The following LAMA5 variants were observed in gnomAD, a reference collection of about 807,000 sequenced individuals.
LAMA5 encodes laminin subunit alpha 5.
A neutral mutation model predicts 433.4 loss-of-function variants in LAMA5; 260 were observed. The ratio of observed to expected loss-of-function variants is 0.60; its 90% CI spans 0.54 to 0.66. The LOEUF (loss-of-function observed/expected upper bound fraction) is 0.66, where lower values mean the gene tolerates loss of function less well. Ranked by LOEUF, LAMA5 falls within the 30% of genes least tolerant of loss-of-function variation. The probability of loss-of-function intolerance (pLI) is 0.00; values close to 1 mark genes in which losing one functional copy is unlikely to be tolerated. For missense variants in LAMA5, 5,378 were observed against 5,258.5 expected, an observed-to-expected ratio of 1.02 and a Z score of -0.70; for synonymous variants, 2,620 against 2,226.6, an observed-to-expected ratio of 1.18 and a Z score of -4.97.
Position 62,309,979 on chromosome 20 carries a change from G to A in LAMA5, c.10828+9C>T, listed in dbSNP as rs772271793. On this transcript the variant is annotated intron_variant, in intron 78 of 79. Transcript: ENST00000252999. ...TGGCAGAGTGCCCTGGCCACAGGAG[G>A]GGCCTCACCCGCTAGCCGGTGCCAC... The A allele has an allele frequency of 3.7e-6, 6 of 1,609,522 alleles. No individual in the cohort carries two copies. In the South Asian group the frequency reaches 5.5e-5, roughly 15 times the overall value.
chr20:62,331,145 C>A lies in LAMA5; in HGVS notation c.3553-16G>T. ...TGACCCCGTGCTGCAGGCAGAGGGACGAGATGCTGCAACGCCCGTGGTGCG... is the reference window on the plus strand; with the variant it reads ...TGACCCCGTGCTGCAGGCAGAGGGAAGAGATGCTGCAACGCCCGTGGTGCG... On this transcript the variant is annotated splice_polypyrimidine_tract_variant and intron_variant, in intron 28 of 79. Coordinates refer to ENST00000252999, the MANE Select transcript of LAMA5 (RefSeq NM_005560.6). The A allele has an allele frequency of 1.3e-6, 2 of 1,514,066 alleles. No individual in the cohort carries two copies. The highest frequency in any genetic ancestry group is 1.2e-5 in the South Asian group (1 of 80,696). 93.8% of individuals were successfully genotyped at this position (1,514,066 alleles called of 1,614,324 possible). A position where few individuals can be genotyped will look rare whatever the true frequency, so the allele number is the denominator to read the frequency against.
intron 48 of LAMA5, 105 bp downstream of exon 48, chr20:62,321,914 T>C (rs1987858928): frequency 1.5e-5 from 17 of 1,160,254 alleles, no homozygotes; most frequent in Non-Finnish European, 2.0e-5. Flanking sequence ...GGAAGGCAGC[T>C]GGGACCACTC....
chr20:62,315,591 A>G (rs1240078735), intron 58 of LAMA5, among the ~76,000 whole-genome samples: 1 of 151,924 alleles, frequency 6.6e-6, no homozygotes, highest in Non-Finnish European at 1.5e-5. Flanking sequence ...CCTGGTCCTC[A>G]CCGCCCAAGG....
rs753276984 is a variant in LAMA5 at position 62,330,469 on chromosome 20, C to A, written c.3979+19G>T. On this transcript the variant is annotated intron_variant, in intron 31 of 79. Transcript: ENST00000252999. ...CATCGTGTGTGGTAGCCTCTCCACC[C>A]CCCACACCAGACACTCACCCTGCCA... is the stretch of plus-strand genomic sequence containing the variant. The A allele has an allele frequency of 3.3e-5, 51 of 1,529,284 alleles. No individual in the cohort carries two copies. The highest frequency in any genetic ancestry group is 1.0e-4 in the Admixed American group (5 of 48,258). The allele number at this position is 1,529,284 out of a possible 1,614,324, so 94.7% of individuals were successfully genotyped here. A position where few individuals can be genotyped will look rare whatever the true frequency, so the allele number is the denominator to read the frequency against.
At position 62,309,800 on chromosome 20, in the gene LAMA5, C is replaced by G. The variant is rs267606043; in HGVS notation, c.10864G>C (p.Asp3622His). 67 of 1,610,548 alleles carry G rather than the reference C, an allele frequency of 4.2e-5. No homozygotes were observed. Among genetic ancestry groups the G allele is most frequent in the Admixed American group, 5.1e-5 (3 of 59,248 alleles). Residue 3622 changes from aspartate to histidine, a missense_variant, in exon 79 of 80, where the codon GAC (aspartate) becomes CAC (histidine). Coordinates refer to ENST00000252999, the MANE Select transcript of LAMA5 (RefSeq NM_005560.6). Reference protein sequence around the residue: ...KSGNVLRLEVDAQSNHTVGPL... With the variant: ...KSGNVLRLEVHAQSNHTVGPL... ...CCCACGGTGTGGTTGCTCTGCGCGT[C>G]CACCTCCAGCCGGAGCACATTCCCG... is the stretch of plus-strand genomic sequence containing the variant.
rs781640497 is a variant in LAMA5, at chr20:62,338,233, C to T, written c.1755G>A (p.Gln585=). The change falls in exon 13 of 80, where the codon CAG becomes CAA. Residue 585 remains glutamine, a splice_region_variant and synonymous_variant. Transcript: ENST00000252999. The part of the protein sequence containing the change: ...APGYFHFPLC[Q]LCGCSPAGTL... ...CCCACGTGGAGAGGCACCACTCACACTGGCAGAGAGGGAAGTGAAAGTAGC... is the reference window on the plus strand; with the variant it reads ...CCCACGTGGAGAGGCACCACTCACATTGGCAGAGAGGGAAGTGAAAGTAGC... 6.3e-7 allele frequency: 1 copy of T among 1,593,096 alleles called. No individual in the cohort carries two copies. Among genetic ancestry groups the T allele is most frequent in the Non-Finnish European group, 8.6e-7 (1 of 1,168,630 alleles).
chr20:62,310,672 T>A lies in LAMA5; in HGVS notation c.10439A>T (p.Lys3480Ile), dbSNP rs1373403214. Residue 3480 changes from lysine (K) to isoleucine (I), a missense_variant, in exon 75 of 80, where the codon AAA (lysine) becomes ATA (isoleucine). Transcript: ENST00000252999. ...GGLPASSHSS[K>I]LPVTVGFSGC... is the part of the protein sequence containing the mutation. ...GGGCAAGATGGTTCTCACCGGAAGTTTGGAGCTGTGGCTGCTGGCCGGGAG... is the reference window on the plus strand; with the variant it reads ...GGGCAAGATGGTTCTCACCGGAAGTATGGAGCTGTGGCTGCTGGCCGGGAG... 1 of 1,603,032 alleles carries A rather than the reference T, an allele frequency of 6.2e-7. No individual in the cohort carries two copies. Among genetic ancestry groups the A allele is most frequent in the Non-Finnish European group, 8.5e-7 (1 of 1,178,446 alleles).
intron 1 of LAMA5, among the ~76,000 whole-genome samples, chr20:62,363,558 A>AG (rs1432014808): frequency 1.3e-5 from 2 of 152,008 alleles, no homozygotes; most frequent in East Asian, 3.9e-4. Context: ...GGATGAGGAG[A>AG]GGGGGCAGAG....
intron 2 of LAMA5, among the ~76,000 whole-genome samples, chr20:62,355,845 AG>A (rs1985132814): frequency 2.0e-5 from 3 of 151,860 alleles, no homozygotes; most frequent in African/African-American, 7.3e-5. Flanking sequence ...AGAGGTGGAC[AG>A]GGGCAGGGAC....
rs371892405 is a variant in LAMA5 at position 62,337,946 on chromosome 20, G to A, written c.1892-8C>T. On this transcript the variant is annotated splice_region_variant and splice_polypyrimidine_tract_variant and intron_variant, in intron 14 of 79. Transcript: ENST00000252999. Reference sequence around the variant, plus strand: ...GAGGGTCGCAGGTGCATGCTGCAGAGGGACAATGGGGTCAGGCCCTGGCGC... The same window carrying A: ...GAGGGTCGCAGGTGCATGCTGCAGAAGGACAATGGGGTCAGGCCCTGGCGC... The A allele has an allele frequency of 4.8e-4, 778 of 1,606,530 alleles. 1 individual carries two copies. The highest frequency in any genetic ancestry group is 2.1e-3 in the South Asian group (188 of 90,428).
At chr20:62,333,836 A>AATGGG (rs1980991502) in intron 23 of LAMA5, 65 bp downstream of exon 23, 1 of 1,176,236 alleles carries the variant, frequency 8.5e-7, no homozygotes, top group Non-Finnish European at 1.1e-6. Context: ...GGGGCTTGGG[A>AATGGG]GTGGGGTGGG....
Position 62,367,171 on chromosome 20 carries a change from G to A in LAMA5, c.75C>T (p.Val25=), listed in dbSNP as rs1986830628. ...GCGCCGCGCCCAGCAGCGCCAGCCCGACCAGCAGCAGCGGCGCGGGGCCCC... is the reference window on the plus strand; with the variant it reads ...GCGCCGCGCCCAGCAGCGCCAGCCCAACCAGCAGCAGCGGCGCGGGGCCCC... ...GPRGPAPLLL[V]GLALLGAARA... Residue 25 remains valine, a synonymous_variant, in exon 1 of 80, where the codon GTC becomes GTT. Coordinates refer to ENST00000252999, the MANE Select transcript of LAMA5 (RefSeq NM_005560.6). 3 of 1,245,966 alleles carry A rather than the reference G, an allele frequency of 2.4e-6. No individual in the cohort carries two copies. Among genetic ancestry groups the A allele is most frequent in the Non-Finnish European group, 3.0e-6 (3 of 998,732 alleles). 77.2% of individuals were successfully genotyped at this position (1,245,966 alleles called of 1,614,324 possible).
chr20:62,311,816 T>TGGCGCC, intron 70 of LAMA5, 32 bp from the exon 71 acceptor site: 2 of 1,521,014 alleles, frequency 1.3e-6, no homozygotes, highest in Non-Finnish European at 1.8e-6. Context: ...GCTCGGTTTT[T>TGGCGCC]CCCCACCCTG....
chr20:62,338,196 C>T, intron 13 of LAMA5, 36 bp downstream of exon 13: 1 of 1,574,192 alleles, frequency 6.4e-7, no homozygotes, highest in South Asian at 1.2e-5. Context: ...CCACGGGCCT[C>T]CCCTACCCAC....
chr20:62,337,771 T>G (rs754557472), intron 15 of LAMA5, 33 bp downstream of exon 15: 1 of 1,609,272 alleles, frequency 6.2e-7, no homozygotes, highest in East Asian at 2.2e-5. Flanking sequence ...AGACTGCACC[T>G]GCCTCCCCAC....
chr20:62,314,499 G>T (rs923464800), intron 61 of LAMA5, 56 bp downstream of exon 61: 51 of 1,608,654 alleles, frequency 3.2e-5, no homozygotes, highest in Non-Finnish European at 4.3e-5. Context: ...ACCAGGCACC[G>T]CTCATTTCCA....
At position 62,334,231 on chromosome 20, in the gene LAMA5, G is replaced by C; in HGVS notation, c.2694C>G (p.Phe898Leu). 1 of 1,612,902 alleles carries C rather than the reference G, an allele frequency of 6.2e-7. No homozygotes were observed. Among genetic ancestry groups the C allele is most frequent in the Non-Finnish European group, 8.5e-7 (1 of 1,179,884 alleles). Residue 898 changes from phenylalanine to leucine, a missense_variant, in exon 22 of 80, where the codon TTC (phenylalanine) becomes TTG (leucine). By Grantham distance (22) the Phe-to-Leu change is conservative (BLOSUM62 0). Transcript: ENST00000252999. ...AVRFGFNPLE[F>L]ENFSWRGYAQ... ...CGTAGCCCCTCCAGCTGAAGTTCTCGAACTCGAGGGGGTTGAAGCCAAAGC... is the reference window on the plus strand; with the variant it reads ...CGTAGCCCCTCCAGCTGAAGTTCTCCAACTCGAGGGGGTTGAAGCCAAAGC...
At chr20:62,330,136 G>GCAT (rs1980086176) in intron 31 of LAMA5, among the ~76,000 whole-genome samples, 1 of 152,258 alleles carries the variant, frequency 6.6e-6, no homozygotes, top group Non-Finnish European at 1.5e-5. Flanking sequence ...TCTAGGTACC[G>GCAT]GTCAACTCCA....
chr20:62,360,723 G>C (rs542902323), intron 2 of LAMA5, among the ~76,000 whole-genome samples: 4 of 149,672 alleles, frequency 2.7e-5, no homozygotes, highest in Non-Finnish European at 4.5e-5. Flanking sequence ...TCTTCCCTCC[G>C]TATCATTTTA....
Sources: gnomAD v4.1 joint callset for allele counts (sites outside exome capture counted in the v4.1 genomes callset) on GRCh38, gnomAD v4.1.1 for gene constraint, MANE v1.5 for transcripts, NCBI Gene and HGNC (gene_info 2026-07-23, HGNC 2026-07-21) for gene names.